PCSK5: variants seen among roughly 807,000 people sequenced by gnomAD.
PCSK5 encodes prohormone convertase 5.
In PCSK5, 129 loss-of-function variants were observed where a neutral mutation model predicts 233.2. The ratio of observed to expected loss-of-function variants is 0.55; its 90% CI spans 0.48 to 0.64. The LOEUF (loss-of-function observed/expected upper bound fraction) is 0.64, where lower values mean the gene tolerates loss of function less well. PCSK5 is among the 30% of genes least tolerant of loss of function. The pLI, the probability that PCSK5 is intolerant of heterozygous loss-of-function variation, is 0.00. For missense variants in PCSK5, 2,076 were observed against 2,430.1 expected (o/e 0.85, Z 3.06); for synonymous variants, 825 against 879.2 (o/e 0.94, Z 1.09).
Position 76,311,367 on chromosome 9 carries a change from A to AG in PCSK5, c.3884+516_3884+517insG, listed in dbSNP as rs1828860800. Among the ~76,000 whole-genome samples the AG allele has an allele frequency of 1.9e-4, 29 of 151,072 alleles. 1 individual carries two copies. In the South Asian group the frequency reaches 6.1e-3, roughly 32 times the overall value. On this transcript the variant is annotated intron_variant, in intron 30 of 37. Transcript: ENST00000674117. ...CCCTGTCTTTAAAAAAAAAAAAAAA[A>AG]TTATTTTCCCACCTTATATTAATGA...
intron 30 of PCSK5, among the ~76,000 whole-genome samples, chr9:76,317,804 C>T (rs112679162): frequency 2.0e-4 from 31 of 152,274 alleles, no homozygotes; most frequent in African/African-American, 6.0e-4. Context: ...GTGAGAAGAA[C>T]GTCCCCTGGT....
Position 76,157,119 on chromosome 9 carries a change from C to T in PCSK5, c.1387C>T (p.Pro463Ser). 6.2e-7 allele frequency: 1 copy of T among 1,613,662 alleles called. No individual in the cohort carries two copies. Among genetic ancestry groups the T allele is most frequent in the African/African-American group, 1.3e-5 (1 of 75,016 alleles). The change falls in exon 11 of 38, where the codon CCC (proline) becomes TCC (serine). Residue 463 changes from proline (P) to serine (S), a missense_variant. By Grantham distance (74) the Pro-to-Ser change is moderately conservative (BLOSUM62 -1). This residue lies in a region of PCSK5 where 64 missense variants were observed against 68.6 expected (regional missense o/e 0.93). Coordinates refer to ENST00000674117, the MANE Select transcript of PCSK5 (RefSeq NM_001372043.1). The part of the protein sequence containing the change: ...VMEAEKWTTV[P>S]RQHVCVESTD... ...GGAGGCAGAGAAGTGGACCACCGTT[C>T]CCCGGCAGCACGTGTGTGTGGAGAG...
chr9:75,976,313 CA>C (rs1826017731), intron 2 of PCSK5, among the ~76,000 whole-genome samples: 2 of 110,802 alleles, frequency 1.8e-5, no homozygotes, highest in Non-Finnish European at 4.4e-5. Context: ...CACACACACA[CA>C]CACACACACC....
chr9:76,135,936 T>G (rs902129755), intron 10 of PCSK5, among the ~76,000 whole-genome samples: 1 of 152,042 alleles, frequency 6.6e-6, no homozygotes, highest in Non-Finnish European at 1.5e-5. Context: ...TCTGTTGGTT[T>G]AGGAGAGGGG....
intron 20 of PCSK5, among the ~76,000 whole-genome samples, chr9:76,225,874 A>T (rs951784751): frequency 3.3e-5 from 5 of 152,190 alleles, no homozygotes; most frequent in African/African-American, 1.2e-4. Flanking sequence ...TGGCATGGTG[A>T]AGCAAATGGG....
intron 32 of PCSK5, among the ~76,000 whole-genome samples, chr9:76,327,234 G>A (rs1829390104): frequency 6.6e-6 from 1 of 151,742 alleles, no homozygotes; most frequent in East Asian, 1.9e-4. Context: ...AGCCTCCTGA[G>A]TAGCTGGGAC....
intron 2 of PCSK5, among the ~76,000 whole-genome samples, chr9:75,974,861 C>T (rs1301091678): frequency 6.6e-6 from 1 of 152,142 alleles, no homozygotes; most frequent in African/African-American, 2.4e-5. Flanking sequence ...GGACAGAATA[C>T]ACTTATGCAA....
chr9:76,028,475 A>G (rs1000937751), intron 5 of PCSK5, among the ~76,000 whole-genome samples: 1 of 152,064 alleles, frequency 6.6e-6, no homozygotes, highest in Non-Finnish European at 1.5e-5. Context: ...CAGGCTGGAG[A>G]TGGAATCATA....
intron 3 of PCSK5, among the ~76,000 whole-genome samples, chr9:75,996,781 C>A (rs1174125293): frequency 2.0e-5 from 3 of 151,338 alleles, no homozygotes; most frequent in Non-Finnish European, 2.9e-5. Flanking sequence ...CCCTCTGGGC[C>A]CCTCTCTGCC....
At chr9:76,212,320 A>G (rs1205271706) in intron 20 of PCSK5, among the ~76,000 whole-genome samples, 1 of 152,136 alleles carries the variant, frequency 6.6e-6, no homozygotes, top group African/African-American at 2.4e-5. Flanking sequence ...CGTCTGCACT[A>G]TATTTTGCTC....
chr9:76,044,101 T>G (rs1829267727), intron 5 of PCSK5, among the ~76,000 whole-genome samples: 1 of 152,174 alleles, frequency 6.6e-6, no homozygotes, highest in Non-Finnish European at 1.5e-5. Flanking sequence ...TAAATGTTGG[T>G]CTTAAAAATT....
chr9:76,178,371 C>T (rs537611351), intron 14 of PCSK5, among the ~76,000 whole-genome samples: 10 of 152,286 alleles, frequency 6.6e-5, no homozygotes, highest in South Asian at 4.1e-4. Context: ...ATCCCTAGTA[C>T]GTGATTTGCT....
At chr9:76,249,234 T>C (rs1265357517) in intron 24 of PCSK5, among the ~76,000 whole-genome samples, 3 of 152,178 alleles carry the variant, frequency 2.0e-5, no homozygotes, top group Admixed American at 6.5e-5. Context: ...TATTCTATGA[T>C]GCACAGGACT....
intron 5 of PCSK5, among the ~76,000 whole-genome samples, chr9:76,049,096 G>A (rs1451119414): frequency 6.2e-5 from 9 of 145,722 alleles, no homozygotes; most frequent in African/African-American, 2.2e-4. Context: ...GTTTTCAAAG[G>A]GTTAAAAAAA....
intron 9 of PCSK5, among the ~76,000 whole-genome samples, chr9:76,126,182 TG>T (rs1236201151): frequency 4.5e-5 from 4 of 88,050 alleles, no homozygotes; most frequent in African/African-American, 4.2e-4. Context: ...TGTGTGTGTA[TG>T]TGTGTGTGTG....
chr9:75,989,121 C>T (rs934187461), intron 3 of PCSK5, among the ~76,000 whole-genome samples: 2 of 152,150 alleles, frequency 1.3e-5, no homozygotes, highest in African/African-American at 2.4e-5. Flanking sequence ...TAGGACAGAA[C>T]GAGTCAGGAC....
intron 20 of PCSK5, among the ~76,000 whole-genome samples, chr9:76,221,300 T>C (rs1300241117): frequency 6.6e-6 from 1 of 152,230 alleles, no homozygotes; most frequent in East Asian, 1.9e-4. Flanking sequence ...GTAGTTGAGA[T>C]GAGGCATGTA....
chr9:76,284,971 G>A (rs965380655), intron 24 of PCSK5, among the ~76,000 whole-genome samples: 5 of 152,166 alleles, frequency 3.3e-5, no homozygotes, highest in Non-Finnish European at 4.4e-5. Context: ...TAGCATGCAA[G>A]TGGAGGGTGA....
chr9:76,296,935 T>C (rs1305245615), intron 27 of PCSK5, 70 bp downstream of exon 27: 2 of 1,027,124 alleles, frequency 1.9e-6, no homozygotes, highest in African/African-American at 3.2e-5. Context: ...TCTATAACTC[T>C]GGTTTTTTTA....
Sources: gnomAD v4.1 joint callset for allele counts (sites outside exome capture counted in the v4.1 genomes callset) on GRCh38, gnomAD v4.1.1 for gene constraint, gnomAD v4.1.1 regional missense constraint, MANE v1.5 for transcripts, NCBI Gene and HGNC (gene_info 2026-07-23, HGNC 2026-07-21) for gene names.